Variants in ZBTB44 observed in about 807,000 individuals in gnomAD.
ZBTB44 encodes zinc finger and BTB domain-containing protein 44.
Under a neutral mutation model 54.0 loss-of-function variants are expected in ZBTB44, and 15 were observed. The observed-to-expected ratio is 0.28, with a 90% CI of 0.19 to 0.43. The LOEUF (loss-of-function observed/expected upper bound fraction) is 0.43. Ranked by LOEUF, ZBTB44 falls within the 20% of genes least tolerant of loss-of-function variation. The pLI, the probability that ZBTB44 is intolerant of heterozygous loss-of-function variation, is 1.00. For synonymous variants in ZBTB44, 230 were observed against 250.1 expected (o/e 0.92, Z 0.76); for missense variants, 487 against 707.1 (o/e 0.69, Z 3.53).
chr11:130,254,777 T>G (rs900170789), intron 2 of ZBTB44, among the ~76,000 whole-genome samples: 33 of 152,280 alleles, frequency 2.2e-4, no homozygotes, highest in Non-Finnish European at 3.4e-4. Context: ...CGTGCACACG[T>G]ATGTTTATTG....
chr11:130,301,648 A>T (rs924668674), intron 1 of ZBTB44, among the ~76,000 whole-genome samples: 1 of 152,140 alleles, frequency 6.6e-6, no homozygotes, highest in Non-Finnish European at 1.5e-5. Context: ...TGGGCAATTG[A>T]GCCAGATTCT....
At position 130,229,814 on chromosome 11, in the gene ZBTB44, ACATTT is replaced by A. The variant is rs1428736857; in HGVS notation, c.*1945_*1949del. ...CAATAACTTACTTACAGTGAAAACT[ACATTT>A]ATTTATTACCTTCTGGCAACTTTGG... is the stretch of plus-strand genomic sequence containing the variant. On this transcript the variant is annotated 3_prime_UTR_variant, in exon 8 of 8. Coordinates refer to ENST00000357899, the MANE Select transcript of ZBTB44 (RefSeq NM_001301098.2). 1 of 152,166 alleles carries A rather than the reference ACATTT, an allele frequency of 6.6e-6. No homozygotes were observed. The highest frequency in any genetic ancestry group is 1.9e-4 in the East Asian group (1 of 5,202). The allele number at this position is 152,166 out of a possible 1,614,324, so 9.4% of individuals were successfully genotyped here. A position where few individuals can be genotyped will look rare whatever the true frequency, so the allele number is the denominator to read the frequency against.
chr11:130,311,707 G>A (rs1329766239), intron 1 of ZBTB44, among the ~76,000 whole-genome samples: 1 of 152,146 alleles, frequency 6.6e-6, no homozygotes, highest in Non-Finnish European at 1.5e-5. Flanking sequence ...CAACGAATAT[G>A]CCAAACATCC....
intron 5 of ZBTB44, chr11:130,236,112 T>TTTA: frequency 7.8e-7 from 1 of 1,281,514 alleles, no homozygotes; most frequent in Non-Finnish European, 1.0e-6. Context: ...AAGCTTACAT[T>TTTA]TTATCTTTCT....
At position 130,237,001 on chromosome 11, in the gene ZBTB44, A is replaced by G. The variant is rs1308065257; in HGVS notation, c.1360T>C (p.Cys454Arg). The G allele has an allele frequency of 6.2e-7, 1 of 1,612,570 alleles. No homozygotes were observed. Among genetic ancestry groups the G allele is most frequent in the Non-Finnish European group, 8.5e-7 (1 of 1,179,346 alleles). ...MHRLKHEGKR[C>R]FRCQICSATF... ...GCACTACATATCTGGCACCGGAAAC[A>G]GCGTTTACCTTCATGCTTTAGGCGA... The change falls in exon 5 of 8, where the codon TGT becomes CGT. Residue 454 changes from cysteine to arginine, a missense_variant. This residue lies in a region of ZBTB44 where 120 missense variants were observed against 240.3 expected (regional missense o/e 0.50). Coordinates refer to ENST00000357899, the MANE Select transcript of ZBTB44 (RefSeq NM_001301098.2).
rs1200711993 is a variant in ZBTB44, at chr11:130,227,226, A to G, written c.*4538T>C. 6.6e-6 allele frequency: 1 copy of G among 150,960 alleles called. No individual in the cohort carries two copies. The highest frequency in any genetic ancestry group is 2.4e-5 in the African/African-American group (1 of 41,372). 9.4% of individuals were successfully genotyped at this position (150,960 alleles called of 1,614,324 possible). A position where few individuals can be genotyped will look rare whatever the true frequency, so the allele number is the denominator to read the frequency against. On this transcript the variant is annotated 3_prime_UTR_variant, in exon 8 of 8. Transcript: ENST00000357899. ...TGTATACATTTTTTGGAAATAAAAC[A>G]AAATCCAAAACCATTTTTGTTATTG...
At chr11:130,282,933 C>T (rs1940635351) in intron 1 of ZBTB44, among the ~76,000 whole-genome samples, 1 of 151,686 alleles carries the variant, frequency 6.6e-6, no homozygotes, top group Non-Finnish European at 1.5e-5. Flanking sequence ...CCATATCAGT[C>T]TCCTAAGTAG....
Position 130,229,280 on chromosome 11 carries a change from G to T in ZBTB44, c.*2484C>A, listed in dbSNP as rs890892094. 7.9e-5 allele frequency: 12 copies of T among 152,062 alleles called. No homozygotes were observed. The highest frequency in any genetic ancestry group is 1.0e-4 in the Non-Finnish European group (7 of 67,992). The allele number at this position is 152,062 out of a possible 1,614,324, so 9.4% of individuals were successfully genotyped here. A position where few individuals can be genotyped will look rare whatever the true frequency, so the allele number is the denominator to read the frequency against. ...TAGTTTAGTAAAAAGTTAAAAAAAA[G>T]TATGACCACTGATGGTACTGGTACT... is the stretch of plus-strand genomic sequence containing the variant. On this transcript the variant is annotated 3_prime_UTR_variant, in exon 8 of 8. Transcript: ENST00000357899.
At chr11:130,313,946 GTGTA>G (rs757817692) in intron 1 of ZBTB44, among the ~76,000 whole-genome samples, 1 of 60,030 alleles carries the variant, frequency 1.7e-5, no homozygotes. Context: ...GTTTGTGTGT[GTGTA>G]TATATATATA....
At chr11:130,283,941 C>T (rs1444308193) in intron 1 of ZBTB44, among the ~76,000 whole-genome samples, 20 of 131,130 alleles carry the variant, frequency 1.5e-4, no homozygotes, top group Non-Finnish European at 3.1e-5. Context: ...TTGCACTCTA[C>T]CCTGGGTGAC....
intron 1 of ZBTB44, among the ~76,000 whole-genome samples, chr11:130,271,419 G>C (rs1486507587): frequency 1.3e-5 from 2 of 152,138 alleles, no homozygotes; most frequent in East Asian, 3.9e-4. Flanking sequence ...TATCTGACCA[G>C]ATAACAAGGA....
chr11:130,241,553 G>C (rs1954362237), intron 2 of ZBTB44, among the ~76,000 whole-genome samples: 1 of 152,128 alleles, frequency 6.6e-6, no homozygotes, highest in Admixed American at 6.5e-5. Flanking sequence ...TGAAATGCCA[G>C]AGTTGTCTGC....
rs145221316 is a variant in ZBTB44 at position 130,269,199 on chromosome 11, G to T, written c.-56-7270C>A. ...AGCTAGTCGGGAGGCTGAGGCAGGTGAATCACTTGAACCCGGGAGGTGGAG... is the reference window on the plus strand; with the variant it reads ...AGCTAGTCGGGAGGCTGAGGCAGGTTAATCACTTGAACCCGGGAGGTGGAG... On this transcript the variant is annotated intron_variant, in intron 1 of 7. Transcript: ENST00000357899. 6.7e-3 allele frequency among the ~76,000 whole-genome samples: 1,014 copies of T among 152,088 alleles called. 26 individuals carry two copies. The highest frequency in any genetic ancestry group is 0.05 in the East Asian group (256 of 5,122).
intron 2 of ZBTB44, among the ~76,000 whole-genome samples, chr11:130,249,502 G>C (rs1447064521): frequency 6.6e-6 from 1 of 152,240 alleles, no homozygotes; most frequent in African/African-American, 2.4e-5. Flanking sequence ...CGTCTTGGCT[G>C]CTGGCAAGAT....
At chr11:130,255,869 T>C (rs1359429358) in intron 2 of ZBTB44, among the ~76,000 whole-genome samples, 5 of 74,358 alleles carry the variant, frequency 6.7e-5, no homozygotes. Context: ...AATAGACCAA[T>C]AACAAATTCT....
chr11:130,261,311 A>C lies in ZBTB44; in HGVS notation c.563T>G (p.Ile188Ser), dbSNP rs1938848383. ...RESRRKRKSYIVMSPESPVKC... is the reference protein window; with the variant it reads ...RESRRKRKSYSVMSPESPVKC... Reference sequence around the variant, plus strand: ...TACAGGACTTTCAGGAGACATAACAATGTAGCTTTTGCGCTTTCTCCGGGA... The same window carrying C: ...TACAGGACTTTCAGGAGACATAACACTGTAGCTTTTGCGCTTTCTCCGGGA... Residue 188 changes from isoleucine to serine, a missense_variant, in exon 2 of 8, where the codon ATT becomes AGT. This residue lies in a region of ZBTB44 where 277 missense variants were observed against 306.5 expected (regional missense o/e 0.90). Transcript: ENST00000357899. The surrounding 1 kb of genome is among the most constrained non-coding windows in gnomAD (Gnocchi z 4.8). 6.2e-7 allele frequency: 1 copy of C among 1,613,778 alleles called. No individual in the cohort carries two copies. The highest frequency in any genetic ancestry group is 8.5e-7 in the Non-Finnish European group (1 of 1,179,894).
chr11:130,230,413 G>GTTTTTTTT lies in ZBTB44; in HGVS notation c.*1343_*1350dup, dbSNP rs60251959. The GTTTTTTTT allele has an allele frequency of 5.7e-5, 6 of 105,410 alleles. No individual in the cohort carries two copies. The highest frequency in any genetic ancestry group is 3.3e-4 in the South Asian group (1 of 2,990). The allele number at this position is 105,410 out of a possible 1,614,324, so 6.5% of individuals were successfully genotyped here. A position where few individuals can be genotyped will look rare whatever the true frequency, so the allele number is the denominator to read the frequency against. On this transcript the variant is annotated 3_prime_UTR_variant, in exon 8 of 8. Coordinates refer to ENST00000357899, the MANE Select transcript of ZBTB44 (RefSeq NM_001301098.2). Reference sequence around the variant, plus strand: ...GGCAAAGTATTTTAACAAGATGAAAGTTTTTTTTTTTTTTTTTTTTTGCTA... The same window carrying GTTTTTTTT: ...GGCAAAGTATTTTAACAAGATGAAAGTTTTTTTTTTTTTTTTTTTTTTTTTTTTTGCTA...
intron 1 of ZBTB44, chr11:130,310,530 T>C (rs1028168042): frequency 6.7e-6 from 1 of 150,022 alleles, no homozygotes; most frequent in Non-Finnish European, 1.5e-5. Flanking sequence ...TTCTAAAAAC[T>C]AGTCTTAGTT....
At chr11:130,285,733 A>AC in intron 1 of ZBTB44, 1 of 236,364 alleles carries the variant, frequency 4.2e-6, no homozygotes, top group Non-Finnish European at 8.7e-6. Context: ...ACTCTGGAAT[A>AC]GAGTAGTATT....
Sources: allele counts gnomAD v4.1 joint callset (sites outside exome capture counted in the v4.1 genomes callset), GRCh38; gene constraint gnomAD v4.1.1; regional missense constraint gnomAD v4.1.1; non-coding constraint Gnocchi (gnomAD v3.1); transcripts MANE v1.5; gene names NCBI Gene and HGNC (gene_info 2026-07-23, HGNC 2026-07-21).